The following TESK2 variants were observed in gnomAD, a reference collection of about 807,000 sequenced individuals.
TESK2 encodes testis associated actin remodelling kinase 2, also known as dual specificity testis-specific protein kinase 2.
In TESK2, 39 loss-of-function variants were observed where a neutral mutation model predicts 57.1. That is an observed-to-expected ratio of 0.68 (90% CI 0.53 to 0.89). TESK2 has a LOEUF of 0.89. Among genes scored for constraint, TESK2 ranks in the 40% least tolerant of loss-of-function variants. The probability of loss-of-function intolerance (pLI) is 0.00; values close to 1 mark genes in which losing one functional copy is unlikely to be tolerated. For synonymous variants in TESK2, 249 were observed against 267.9 expected (o/e 0.93, Z 0.69); for missense variants, 646 against 732.1 (o/e 0.88, Z 1.36).
rs1327554780 is a variant in TESK2 at position 45,346,114 on chromosome 1, A to G, written c.880-120T>C. The G allele has an allele frequency of 3.9e-6, 3 of 770,468 alleles. No homozygotes were observed. The Admixed American group carries it at 5.9e-5, about 15-fold the overall frequency. The allele number at this position is 770,468 out of a possible 1,614,324, so 47.7% of individuals were successfully genotyped here. A position where few individuals can be genotyped will look rare whatever the true frequency, so the allele number is the denominator to read the frequency against. On this transcript the variant is annotated intron_variant, in intron 9 of 10. Transcript: ENST00000372086. The stretch of plus-strand genomic sequence containing the variant: ...TGTGCAGCTGAGAGACCTTTTCTAA[A>G]GGCCCCAGACAATGAAGGTGATCCC...
intron 1 of TESK2, among the ~76,000 whole-genome samples, chr1:45,464,174 T>C (rs532623655): frequency 1.3e-5 from 2 of 152,322 alleles, no homozygotes; most frequent in Admixed American, 6.5e-5. Flanking sequence ...ACATTAAATA[T>C]CTTTCCATTT....
At chr1:45,376,498 C>T (rs993687182) in intron 4 of TESK2, among the ~76,000 whole-genome samples, 6 of 151,914 alleles carry the variant, frequency 3.9e-5, no homozygotes, top group African/African-American at 1.5e-4. Context: ...GGATTACAGG[C>T]GTGAGCCACT....
At chr1:45,367,140 TAAATAAAATAAAATA>T (rs148841004) in intron 4 of TESK2, among the ~76,000 whole-genome samples, 1 of 151,674 alleles carries the variant, frequency 6.6e-6, no homozygotes, top group African/African-American at 2.4e-5. Context: ...TCTCAAAAAA[TAAATAAAATAAAATA>T]AAATAAAATA....
chr1:45,455,284 T>C (rs1652025193), intron 2 of TESK2, among the ~76,000 whole-genome samples: 1 of 152,228 alleles, frequency 6.6e-6, no homozygotes, highest in African/African-American at 2.4e-5. Flanking sequence ...TTCAGACCCC[T>C]GAATTCCAGC....
intron 2 of TESK2, among the ~76,000 whole-genome samples, chr1:45,435,562 ATTTTTTTTTTT>A (rs750074178): frequency 1.8e-3 from 124 of 68,892 alleles, no homozygotes; most frequent in Non-Finnish European, 2.7e-3. Context: ...CTGTGGTCTA[ATTTTTTTTTTT>A]TTTTTTTTTT....
Position 45,428,914 on chromosome 1 carries a change from C to T in TESK2, c.223-7068G>A, listed in dbSNP as rs571953475. On this transcript the variant is annotated intron_variant, in intron 2 of 10. Coordinates refer to ENST00000372086, the MANE Select transcript of TESK2 (RefSeq NM_007170.3). ...TTGGCTCGCTGCAAGCTCCGCCTCC[C>T]GGGTTCACGCCATTCTCCTGCCTCA... is the stretch of plus-strand genomic sequence containing the variant. Among the ~76,000 whole-genome samples, 481 of 150,338 alleles carry T rather than the reference C, an allele frequency of 3.2e-3. 1 individual carries two copies. The highest frequency in any genetic ancestry group is 5.0e-3 in the Non-Finnish European group (341 of 67,734).
intron 1 of TESK2, among the ~76,000 whole-genome samples, chr1:45,468,039 G>C (rs745978100): frequency 7.9e-5 from 12 of 152,022 alleles, no homozygotes; most frequent in Non-Finnish European, 1.3e-4. Flanking sequence ...AGCCCGGCAT[G>C]GTGGTGCACA....
intron 2 of TESK2, among the ~76,000 whole-genome samples, chr1:45,453,037 T>C (rs939664122): frequency 6.6e-6 from 1 of 151,088 alleles, no homozygotes; most frequent in Admixed American, 6.6e-5. Context: ...CAAAGTGAGA[T>C]CCTGTCTCTA....
intron 3 of TESK2, among the ~76,000 whole-genome samples, chr1:45,386,538 C>T (rs1229423134): frequency 6.6e-6 from 1 of 151,870 alleles, no homozygotes; most frequent in Non-Finnish European, 1.5e-5. Context: ...TTAATTATTT[C>T]AAGAGTTTTA....
At chr1:45,351,257 ACTT>A (rs1329598829) in intron 5 of TESK2, among the ~76,000 whole-genome samples, 1 of 152,228 alleles carries the variant, frequency 6.6e-6, no homozygotes, top group Admixed American at 6.5e-5. Context: ...GGCTATTGGC[ACTT>A]CTTCATAGTG....
intron 1 of TESK2, among the ~76,000 whole-genome samples, chr1:45,474,575 C>T (rs972040575): frequency 8.6e-5 from 13 of 151,980 alleles, no homozygotes; most frequent in Non-Finnish European, 1.9e-4. Context: ...TGGGTTCGAG[C>T]GATTCTCCTG....
intron 5 of TESK2, among the ~76,000 whole-genome samples, chr1:45,352,446 C>G (rs1647255974): frequency 6.6e-6 from 1 of 152,168 alleles, no homozygotes; most frequent in Admixed American, 6.5e-5. Flanking sequence ...CAAGCCCAGA[C>G]AGAACCACAC....
At chr1:45,442,955 T>A (rs911079318) in intron 2 of TESK2, among the ~76,000 whole-genome samples, 1 of 152,180 alleles carries the variant, frequency 6.6e-6, no homozygotes, top group Non-Finnish European at 1.5e-5. Flanking sequence ...CTGGCTAATT[T>A]TAGTATTTTT....
intron 1 of TESK2, among the ~76,000 whole-genome samples, chr1:45,488,482 C>G (rs1653577239): frequency 6.6e-6 from 1 of 152,196 alleles, no homozygotes; most frequent in Non-Finnish European, 1.5e-5. Flanking sequence ...GATGAACCTT[C>G]CCCTCACTTA....
chr1:45,360,439 C>G (rs935023159), intron 4 of TESK2, among the ~76,000 whole-genome samples: 1 of 152,068 alleles, frequency 6.6e-6, no homozygotes, highest in Non-Finnish European at 1.5e-5. Context: ...ACTGTATGTG[C>G]ACTCTCTATA....
At chr1:45,394,100 A>G (rs370635337) in intron 3 of TESK2, among the ~76,000 whole-genome samples, 11 of 152,040 alleles carry the variant, frequency 7.2e-5, no homozygotes, top group African/African-American at 2.2e-4. Flanking sequence ...CAACTTTGTT[A>G]TTTTTAGTTT....
chr1:45,443,505 G>C (rs1022380110), intron 2 of TESK2, among the ~76,000 whole-genome samples: 1 of 133,810 alleles, frequency 7.5e-6, no homozygotes, highest in Non-Finnish European at 1.6e-5. Flanking sequence ...GGAAGGTGGA[G>C]TTTGCAGTGA....
intron 3 of TESK2, among the ~76,000 whole-genome samples, chr1:45,387,038 A>G (rs914042683): frequency 1.3e-5 from 2 of 151,858 alleles, no homozygotes; most frequent in Non-Finnish European, 2.9e-5. Context: ...ACGCCTTTGC[A>G]TAAGATTTGG....
intron 8 of TESK2, 41 bp downstream of exon 8, chr1:45,346,938 T>C: frequency 1.2e-6 from 2 of 1,603,130 alleles, no homozygotes; most frequent in Non-Finnish European, 1.7e-6. Context: ...TGCTTCAAAC[T>C]AGCCCCATCA....
Sources: allele counts gnomAD v4.1 joint callset (sites outside exome capture counted in the v4.1 genomes callset), GRCh38; gene constraint gnomAD v4.1.1; transcripts MANE v1.5; gene names NCBI Gene and HGNC (gene_info 2026-07-23, HGNC 2026-07-21).